ZNF438: variants seen among roughly 807,000 people sequenced by gnomAD.
ZNF438 encodes zinc finger protein 438.
Under a neutral mutation model 38.0 loss-of-function variants are expected in ZNF438, and 25 were observed. That is an observed-to-expected ratio of 0.66 (90% CI 0.48 to 0.92). The LOEUF is 0.92. Among genes scored for constraint, ZNF438 ranks in the 40% least tolerant of loss-of-function variants. The pLI is 0.00. For missense variants in ZNF438, 1,007 were observed against 999.6 expected, an observed-to-expected ratio of 1.01 and a Z score of -0.10; for synonymous variants, 372 against 364.1, an observed-to-expected ratio of 1.02 and a Z score of -0.25.
intron 3 of ZNF438, among the ~76,000 whole-genome samples, chr10:30,905,411 C>T (rs569379077): frequency 7.9e-5 from 12 of 152,270 alleles, no homozygotes; most frequent in African/African-American, 2.2e-4. Flanking sequence ...AGATCTTCTT[C>T]GGAAAAATGT....
At chr10:31,017,373 A>G (rs1330336146) in intron 1 of ZNF438, among the ~76,000 whole-genome samples, 1 of 152,220 alleles carries the variant, frequency 6.6e-6, no homozygotes, top group African/African-American at 2.4e-5. Context: ...TAGGGCAGCA[A>G]AGATCTAATA....
intron 5 of ZNF438, among the ~76,000 whole-genome samples, chr10:30,847,800 A>T (rs568377398): frequency 6.6e-6 from 1 of 152,238 alleles, no homozygotes; most frequent in African/African-American, 2.4e-5. Context: ...CCTGGCCTGC[A>T]GCAGCAGCCG....
chr10:31,015,461 C>T (rs577989789), intron 1 of ZNF438, among the ~76,000 whole-genome samples: 5 of 151,906 alleles, frequency 3.3e-5, no homozygotes, highest in African/African-American at 7.3e-5. Flanking sequence ...CTGGCCAACA[C>T]GGTGAAACCC....
intron 3 of ZNF438, among the ~76,000 whole-genome samples, chr10:30,900,383 C>G (rs576584753): frequency 6.6e-6 from 1 of 152,194 alleles, no homozygotes; most frequent in South Asian, 2.1e-4. Flanking sequence ...CTCACTCCAC[C>G]AAAATAGCCC....
intron 2 of ZNF438, chr10:30,920,161 A>T (rs2044129821): frequency 6.6e-6 from 1 of 152,206 alleles, no homozygotes. Flanking sequence ...TGACTGAAGG[A>T]TGAACAACAT....
chr10:30,889,269 T>C (rs1288094166), intron 3 of ZNF438, among the ~76,000 whole-genome samples: 3 of 152,222 alleles, frequency 2.0e-5, no homozygotes, highest in Non-Finnish European at 4.4e-5. Flanking sequence ...ACAGAATAAA[T>C]TTTAATCCAC....
chr10:30,865,100 G>T (rs1056393069), intron 4 of ZNF438, among the ~76,000 whole-genome samples: 1 of 152,206 alleles, frequency 6.6e-6, no homozygotes, highest in Admixed American at 6.5e-5. Flanking sequence ...CTGTTTACAT[G>T]TCAGTCTCTT....
intron 1 of ZNF438, among the ~76,000 whole-genome samples, chr10:30,998,615 T>G (rs1367136795): frequency 7.7e-6 from 1 of 130,242 alleles, no homozygotes; most frequent in East Asian, 2.6e-4. Flanking sequence ...TAACAATAGC[T>G]AGTAATGAAG....
intron 4 of ZNF438, chr10:30,857,839 T>C: frequency 8.9e-7 from 1 of 1,117,492 alleles, no homozygotes; most frequent in Non-Finnish European, 1.2e-6. Context: ...TCAATAGCAC[T>C]AGGTGCCAAT....
intron 2 of ZNF438, among the ~76,000 whole-genome samples, chr10:30,914,587 C>A (rs1463081273): frequency 2.0e-5 from 3 of 151,854 alleles, no homozygotes; most frequent in Non-Finnish European, 4.4e-5. Flanking sequence ...CTTGTAACTG[C>A]ATGCAAATTT....
At chr10:31,026,967 T>C (rs2056985281) in intron 1 of ZNF438, among the ~76,000 whole-genome samples, 1 of 151,932 alleles carries the variant, frequency 6.6e-6, no homozygotes, top group Non-Finnish European at 1.5e-5. Flanking sequence ...CTGGAAACCA[T>C]CATTCTGAGC....
chr10:30,891,550 T>C (rs1328927765), intron 3 of ZNF438, among the ~76,000 whole-genome samples: 1 of 152,222 alleles, frequency 6.6e-6, no homozygotes, highest in Admixed American at 6.5e-5. Context: ...AAATTTATTT[T>C]ATGTAAAAGT....
chr10:31,024,712 C>T (rs1353512453), intron 1 of ZNF438, among the ~76,000 whole-genome samples: 3 of 152,076 alleles, frequency 2.0e-5, no homozygotes, highest in South Asian at 4.1e-4. Flanking sequence ...GTCATTTAAC[C>T]TAAGTCTGTT....
intron 3 of ZNF438, among the ~76,000 whole-genome samples, chr10:30,877,465 G>A (rs1179867834): frequency 2.0e-5 from 3 of 152,182 alleles, no homozygotes; most frequent in African/African-American, 7.2e-5. Context: ...ATCATTTGAT[G>A]AAATATAACT....
intron 1 of ZNF438, among the ~76,000 whole-genome samples, chr10:30,944,324 G>A (rs1270199956): frequency 6.6e-6 from 1 of 152,142 alleles, no homozygotes; most frequent in Non-Finnish European, 1.5e-5. Context: ...AAAGCTAGGT[G>A]TACTCTTTTA....
intron 1 of ZNF438, among the ~76,000 whole-genome samples, chr10:30,955,722 C>T (rs56212621): frequency 0.079 from 12,091 of 152,248 alleles, 578 homozygotes; most frequent in Non-Finnish European, 0.11. Flanking sequence ...ACCCATAGAA[C>T]GATGAGCTAA....
In ZNF438 at chr10:30,864,552, G is replaced by A. The variant is rs116121774; in HGVS notation, c.37+12446C>T. On this transcript the variant is annotated intron_variant, in intron 4 of 5. Coordinates refer to ENST00000413025, the Ensembl canonical transcript of ZNF438. ...CTAAAATGTGAGCTCCAAAAGAGCA[G>A]GGGTTTGTTTTGTTACTGACAGGGT... 3.3e-3 allele frequency among the ~76,000 whole-genome samples: 502 copies of A among 152,352 alleles called. 4 individuals are homozygous for A. The highest frequency in any genetic ancestry group is 0.011 in the African/African-American group (449 of 41,568).
intron 3 of ZNF438, among the ~76,000 whole-genome samples, chr10:30,893,459 T>A (rs2040952492): frequency 6.6e-6 from 1 of 152,216 alleles, no homozygotes; most frequent in Non-Finnish European, 1.5e-5. Context: ...TGTATCAACA[T>A]TTTCTTGCTA....
chr10:30,996,982 C>G (rs998583585), intron 1 of ZNF438, among the ~76,000 whole-genome samples: 3 of 152,016 alleles, frequency 2.0e-5, no homozygotes, highest in African/African-American at 4.8e-5. Flanking sequence ...TTAGAAAATA[C>G]CTTGAGATTA....
Sources: gnomAD v4.1 joint callset for allele counts (sites outside exome capture counted in the v4.1 genomes callset) on GRCh38, gnomAD v4.1.1 for gene constraint, MANE v1.5 for transcripts, NCBI Gene and HGNC (gene_info 2026-07-23, HGNC 2026-07-21) for gene names.